TAF1: variants seen among roughly 807,000 people sequenced by gnomAD.
TAF1 encodes the protein TATA-box binding protein associated factor 1, also known as transcription initiation factor TFIID subunit 1.
A neutral mutation model predicts 138.5 loss-of-function variants in TAF1; 2 were observed. The observed-to-expected ratio is 0.01, with a 90% CI of 0.01 to 0.05. The LOEUF (loss-of-function observed/expected upper bound fraction) is 0.05, where lower values mean the gene tolerates loss of function less well. Ranked by LOEUF, TAF1 falls within the 10% of genes least tolerant of loss-of-function variation. The pLI, the probability that TAF1 is intolerant of heterozygous loss-of-function variation, is 1.00. For synonymous variants in TAF1, 437 were observed against 503.2 expected, an observed-to-expected ratio of 0.87 and a Z score of 1.76; for missense variants, 709 against 1,478.0, an observed-to-expected ratio of 0.48 and a Z score of 8.53.
At chrX:71,460,567 A>G (rs2038506818) in intron 36 of TAF1, 59 bp from the exon 37 acceptor site, 1 of 1,168,702 alleles carries the variant, frequency 8.6e-7, no homozygotes, top group Admixed American at 2.4e-5. Context: ...CAAGCCAAAG[A>G]TCAAGTTAAA....
intron 13 of TAF1, among the ~76,000 whole-genome samples, chrX:71,473,049 A>C (rs1173934398): frequency 1.8e-5 from 2 of 112,229 alleles, no homozygotes; most frequent in Non-Finnish European, 3.8e-5. Context: ...TCACTTGTTC[A>C]ATAAACATTC....
chrX:71,368,994 G>A (rs1005494549), intron 3 of TAF1: 4 of 105,578 alleles, frequency 3.8e-5, no homozygotes, highest in Admixed American at 1.0e-4. Flanking sequence ...GGGACTACAG[G>A]GGCCCGCCAC....
intron 13 of TAF1, among the ~76,000 whole-genome samples, chrX:71,483,423 CTT>C (rs111698692): frequency 6.0e-5 from 6 of 99,250 alleles, no homozygotes; most frequent in African/African-American, 2.2e-4. Flanking sequence ...TCCATAACAT[CTT>C]TTTTTTTTTT....
intron 32 of TAF1, among the ~76,000 whole-genome samples, chrX:71,443,831 C>T (rs770912119): frequency 5.4e-5 from 6 of 111,517 alleles, no homozygotes; most frequent in East Asian, 5.6e-4. Flanking sequence ...GCTGCGGCCT[C>T]CTGAGAATCT....
chrX:71,405,061 A>T (rs1003738126), intron 25 of TAF1, among the ~76,000 whole-genome samples: 7 of 103,440 alleles, frequency 6.8e-5, no homozygotes, highest in Admixed American at 2.2e-4. Flanking sequence ...GGTTCAAGAG[A>T]TTCTCTTGCC....
chrX:71,402,014 G>A (rs2035197722), intron 25 of TAF1, among the ~76,000 whole-genome samples: 1 of 112,295 alleles, frequency 8.9e-6, no homozygotes, highest in South Asian at 3.7e-4. Context: ...AAGATAAAAT[G>A]AGACAGACTA....
chrX:71,443,730 G>C (rs749688088), intron 32 of TAF1, among the ~76,000 whole-genome samples: 1 of 111,170 alleles, frequency 9.0e-6, no homozygotes, highest in East Asian at 2.8e-4. Flanking sequence ...GTTTTGTTTT[G>C]TTTTTGAGAC....
At chrX:71,492,331 T>C in intron 13 of TAF1, 1 of 127,432 alleles carries the variant, frequency 7.8e-6, no homozygotes, top group African/African-American at 3.2e-5. Flanking sequence ...GAGCTCTGCT[T>C]CTTCTTAGAG....
At chrX:71,437,897 G>A (rs916761962) in intron 32 of TAF1, among the ~76,000 whole-genome samples, 1 of 101,471 alleles carries the variant, frequency 9.9e-6, no homozygotes, top group African/African-American at 3.6e-5. Flanking sequence ...GTGCAGTGGC[G>A]CGATCTTGGC....
At chrX:71,416,742 TACA>T (rs2036035643) in intron 28 of TAF1, 1 of 296,861 alleles carries the variant, frequency 3.4e-6, no homozygotes, top group Admixed American at 3.6e-5. Flanking sequence ...TCTGAATTCC[TACA>T]ACAATTACTG....
chrX:71,396,390 C>T (rs1398102734), intron 22 of TAF1, among the ~76,000 whole-genome samples: 1 of 106,831 alleles, frequency 9.4e-6, no homozygotes, highest in Non-Finnish European at 1.9e-5. Flanking sequence ...CCTCAACCTC[C>T]TGGGCTCAAG....
intron 13 of TAF1, among the ~76,000 whole-genome samples, chrX:71,503,718 T>TC (rs1262239612): frequency 9.0e-6 from 1 of 110,967 alleles, no homozygotes; most frequent in Admixed American, 9.7e-5. Context: ...CTTTTTTTTT[T>TC]CACAATCTTT....
At position 71,393,026 on chromosome X, in the gene TAF1, C is replaced by T. The variant is rs768632558; in HGVS notation, c.3051+32C>T. The T allele has an allele frequency of 5.0e-6, 6 of 1,205,821 alleles. No individual in the cohort carries two copies. The South Asian group carries it at 8.9e-5, about 18-fold the overall frequency. On this transcript the variant is annotated intron_variant, in intron 20 of 37. Transcript: ENST00000423759. Reference sequence around the variant, plus strand: ...GTGGAAGTGGAAAATTTAGAGTATACTAGGGGCTTTGTATAGAGTTGGAAT... The same window carrying T: ...GTGGAAGTGGAAAATTTAGAGTATATTAGGGGCTTTGTATAGAGTTGGAAT...
At chrX:71,371,345 TG>T (rs1319258296) in intron 3 of TAF1, among the ~76,000 whole-genome samples, 3 of 111,468 alleles carry the variant, frequency 2.7e-5, no homozygotes, top group African/African-American at 9.8e-5. Flanking sequence ...TAATTGGAAG[TG>T]GGTGTAGATT....
intron 22 of TAF1, among the ~76,000 whole-genome samples, chrX:71,396,862 G>A (rs1184080928): frequency 4.6e-5 from 5 of 108,137 alleles, no homozygotes; most frequent in Admixed American, 1.0e-4. Context: ...ACAAGACCCC[G>A]TCTCTACAAA....
At chrX:71,524,678 C>G (rs868258337) in intron 13 of TAF1, among the ~76,000 whole-genome samples, 1 of 108,721 alleles carries the variant, frequency 9.2e-6, no homozygotes, top group Non-Finnish European at 1.9e-5. Flanking sequence ...TGTGGTGGCT[C>G]ACGCCTGTAA....
downstream of TAF1, among the ~76,000 whole-genome samples, chrX:71,469,803 G>A (rs1351015044): frequency 2.9e-4 from 32 of 111,290 alleles, 1 homozygote; most frequent in Admixed American, 3.1e-3. Context: ...CCCAGTTCAA[G>A]CGATTCTCCT....
intron 4 of TAF1, 23 bp downstream of exon 4, chrX:71,375,309 T>A (rs1338419851): frequency 1.7e-6 from 2 of 1,200,634 alleles, no homozygotes; most frequent in Non-Finnish European, 2.2e-6. Flanking sequence ...TGTCTACTTT[T>A]GTCTGAGGAG....
At chrX:71,384,857 C>G in intron 13 of TAF1, 88 bp from the exon 14 acceptor site, 1 of 677,267 alleles carries the variant, frequency 1.5e-6, no homozygotes. Flanking sequence ...ATGAGGGATA[C>G]TCAACCTGTA....
Sources: allele counts gnomAD v4.1 joint callset (sites outside exome capture counted in the v4.1 genomes callset), GRCh38; gene constraint gnomAD v4.1.1; transcripts MANE v1.5; gene names NCBI Gene and HGNC (gene_info 2026-07-23, HGNC 2026-07-21).